Variants in MLLT10 observed in about 807,000 individuals in gnomAD.
The protein encoded by MLLT10 is MLLT10 histone lysine methyltransferase DOT1L cofactor.
MLLT10 carries 30 observed loss-of-function variants against 129.1 expected under a neutral mutation model. The ratio of observed to expected loss-of-function variants is 0.23; its 90% CI spans 0.17 to 0.32. The LOEUF (loss-of-function observed/expected upper bound fraction) is 0.32, where lower values mean the gene tolerates loss of function less well. MLLT10 is among the 10% of genes least tolerant of loss of function. The probability of loss-of-function intolerance (pLI) is 1.00; values close to 1 mark genes in which losing one functional copy is unlikely to be tolerated. For missense variants in MLLT10, 1,119 were observed against 1,268.3 expected, an observed-to-expected ratio of 0.88 and a Z score of 1.79; for synonymous variants, 490 against 446.4, an observed-to-expected ratio of 1.10 and a Z score of -1.23.
intron 5 of MLLT10, among the ~76,000 whole-genome samples, chr10:21,603,329 A>G (rs2043748044): frequency 6.6e-6 from 1 of 151,836 alleles, no homozygotes; most frequent in Non-Finnish European, 1.5e-5. Context: ...AGCCTCTGAA[A>G]GTGCTGGGAT....
At chr10:21,573,833 T>A (rs960533152) in intron 3 of MLLT10, among the ~76,000 whole-genome samples, 1 of 152,100 alleles carries the variant, frequency 6.6e-6, no homozygotes, top group Non-Finnish European at 1.5e-5. Context: ...GGGATTACTT[T>A]CGTAATCCAT....
chr10:21,584,154 C>T (rs1490432243), intron 3 of MLLT10, among the ~76,000 whole-genome samples: 2 of 151,348 alleles, frequency 1.3e-5, no homozygotes, highest in South Asian at 2.1e-4. Context: ...AGGCGTCAGC[C>T]ACCGCGCCCA....
rs564359288 is a variant in MLLT10, at chr10:21,549,345, C to T, written c.240+10433C>T. ...TCACTGTGTTTCGATCTCCTGACCT[C>T]GTCATCCGCCCGCCTTGGCCTCCCA... On this transcript the variant is annotated intron_variant, in intron 3 of 22. Transcript: ENST00000307729. Among the ~76,000 whole-genome samples the T allele has an allele frequency of 7.2e-5, 11 of 152,136 alleles. No homozygotes were observed. The South Asian group carries it at 1.0e-3, about 14-fold the overall frequency.
rs2033364878 is a variant in MLLT10, at chr10:21,534,311, CCCT to C, written c.-207_-205del. On this transcript the variant is annotated 5_prime_UTR_variant, in exon 1 of 23. Transcript: ENST00000307729. ...CTGCCCCTGGCCCAGCGGGAGCCCC[CCCT>C]CCCCCCAGTGCGCCTGTGCGGAGGC... 32 of 383,634 alleles carry C rather than the reference CCCT, an allele frequency of 8.3e-5. No individual in the cohort carries two copies. The highest frequency in any genetic ancestry group is 1.5e-4 in the African/African-American group (7 of 47,928). 23.8% of individuals were successfully genotyped at this position (383,634 alleles called of 1,614,324 possible).
At chr10:21,579,200 A>G (rs942968430) in intron 3 of MLLT10, among the ~76,000 whole-genome samples, 3 of 152,084 alleles carry the variant, frequency 2.0e-5, no homozygotes, top group Non-Finnish European at 4.4e-5. Context: ...TGGCTTCCAT[A>G]TTTTATGATG....
chr10:21,598,650 G>A (rs1382476654), intron 5 of MLLT10, among the ~76,000 whole-genome samples: 1 of 152,164 alleles, frequency 6.6e-6, no homozygotes, highest in African/African-American at 2.4e-5. Context: ...TTGGGAGGCC[G>A]AAGCCAGCGG....
chr10:21,682,232 A>G lies in MLLT10; in HGVS notation c.1674A>G (p.Ser558=). 5 of 1,611,072 alleles carry G rather than the reference A, an allele frequency of 3.1e-6. No individual in the cohort carries two copies. Among genetic ancestry groups the G allele is most frequent in the Non-Finnish European group, 4.2e-6 (5 of 1,178,926 alleles). Residue 558 remains serine, a synonymous_variant, in exon 13 of 23, where the codon TCA becomes TCG. Coordinates refer to ENST00000307729, the MANE Select transcript of MLLT10 (RefSeq NM_001195626.3). ...HDGACPTTTF[S]ELLNAIHNGI... is the part of the protein sequence containing the mutation. ...TTTTTCCTTACTTAAAAGCGTTCTC[A>G]GAGTTGCTGAATGCAATACACAACG... is the stretch of plus-strand genomic sequence containing the variant.
chr10:21,741,615 A>T (rs1833646068), intron 22 of MLLT10, among the ~76,000 whole-genome samples: 1 of 152,222 alleles, frequency 6.6e-6, no homozygotes, highest in South Asian at 2.1e-4. Flanking sequence ...TTCTTAGCCC[A>T]TAAAAATTTC....
chr10:21,542,908 G>A (rs193131412), intron 3 of MLLT10, among the ~76,000 whole-genome samples: 2 of 152,020 alleles, frequency 1.3e-5, no homozygotes, highest in African/African-American at 2.4e-5. Context: ...TTTTGCAGGG[G>A]GGCATTTTAT....
chr10:21,619,922 T>TC (rs2045633684), intron 8 of MLLT10, among the ~76,000 whole-genome samples: 1 of 151,342 alleles, frequency 6.6e-6, no homozygotes, highest in Non-Finnish European at 1.5e-5. Context: ...AGTTTTTTTT[T>TC]CTTTTTCTTT....
chr10:21,685,132 A>G (rs1042905444), intron 13 of MLLT10, among the ~76,000 whole-genome samples: 1 of 151,964 alleles, frequency 6.6e-6, no homozygotes, highest in African/African-American at 2.4e-5. Context: ...TGTGAAATAT[A>G]TCTTAGTCAT....
chr10:21,643,608 G>A (rs1264817298), intron 8 of MLLT10, among the ~76,000 whole-genome samples: 4 of 152,018 alleles, frequency 2.6e-5, no homozygotes, highest in Non-Finnish European at 5.9e-5. Flanking sequence ...TTTTTGAACT[G>A]TATCTTGGCT....
chr10:21,674,110 G>C lies in MLLT10; in HGVS notation c.1621+191G>C, dbSNP rs554243575. On this transcript the variant is annotated intron_variant, in intron 11 of 22. Transcript: ENST00000307729. ...ATATCTTAAAGTCTTAGATGATTTGGTGTTTGGGAAAGATGTTCGGCACTA... is the reference window on the plus strand; with the variant it reads ...ATATCTTAAAGTCTTAGATGATTTGCTGTTTGGGAAAGATGTTCGGCACTA... Among the ~76,000 whole-genome samples, 4 of 152,280 alleles carry C rather than the reference G, an allele frequency of 2.6e-5. No individual in the cohort carries two copies. In the South Asian group the frequency reaches 8.3e-4, roughly 32 times the overall value.
At chr10:21,610,983 TC>T (rs369427878) in intron 5 of MLLT10, among the ~76,000 whole-genome samples, 17 of 131,406 alleles carry the variant, frequency 1.3e-4, no homozygotes, top group East Asian at 6.0e-4. Flanking sequence ...TTCTTTTTTC[TC>T]TTTTTTTTTT....
intron 16 of MLLT10, among the ~76,000 whole-genome samples, chr10:21,730,037 G>C (rs1260432793): frequency 6.6e-6 from 1 of 152,078 alleles, no homozygotes. Flanking sequence ...AGAGGCCTGG[G>C]CGGGAGGAAC....
intron 8 of MLLT10, among the ~76,000 whole-genome samples, chr10:21,629,306 T>C (rs950972964): frequency 2.6e-5 from 4 of 152,172 alleles, no homozygotes; most frequent in African/African-American, 9.7e-5. Flanking sequence ...TCTTTTTATT[T>C]GTTTTATTTG....
At chr10:21,565,762 C>A (rs1014146059) in intron 3 of MLLT10, among the ~76,000 whole-genome samples, 17 of 151,854 alleles carry the variant, frequency 1.1e-4, no homozygotes, top group African/African-American at 3.4e-4. Flanking sequence ...TGCACCATCA[C>A]ACCTGGCTGA....
At chr10:21,719,426 A>T (rs1359197502) in intron 14 of MLLT10, among the ~76,000 whole-genome samples, 7 of 152,232 alleles carry the variant, frequency 4.6e-5, no homozygotes, top group Admixed American at 4.6e-4. Flanking sequence ...GTTCAGTCAC[A>T]GTCACATATC....
intron 8 of MLLT10, among the ~76,000 whole-genome samples, chr10:21,649,647 C>T (rs2048832815): frequency 6.6e-6 from 1 of 152,152 alleles, no homozygotes; most frequent in Admixed American, 6.5e-5. Context: ...GGCTAGAGTA[C>T]CTCAGTTCAC....
Sources: gnomAD v4.1 joint callset for allele counts (sites outside exome capture counted in the v4.1 genomes callset) on GRCh38, gnomAD v4.1.1 for gene constraint, MANE v1.5 for transcripts, NCBI Gene and HGNC (gene_info 2026-07-23, HGNC 2026-07-21) for gene names.